The following EPS15 variants were observed in gnomAD, a reference collection of about 807,000 sequenced individuals.
The protein encoded by EPS15 is epidermal growth factor receptor substrate 15.
EPS15 carries 72 observed loss-of-function variants against 113.8 expected under a neutral mutation model. The observed-to-expected ratio is 0.63, with a 90% CI of 0.52 to 0.77. The LOEUF (loss-of-function observed/expected upper bound fraction) is 0.77, where lower values mean the gene tolerates loss of function less well. EPS15 is among the 30% of genes least tolerant of loss of function. The probability of loss-of-function intolerance (pLI) is 0.00; values close to 1 mark genes in which losing one functional copy is unlikely to be tolerated. For synonymous variants in EPS15, 344 were observed against 363.4 expected (o/e 0.95, Z 0.61); for missense variants, 1,048 against 1,045.8 (o/e 1.00, Z -0.03).
At chr1:51,515,691 A>G (rs1187032306) in intron 1 of EPS15, among the ~76,000 whole-genome samples, 1 of 152,252 alleles carries the variant, frequency 6.6e-6, no homozygotes, top group East Asian at 1.9e-4. Flanking sequence ...TTATATCCTC[A>G]AGAGGCTTAC....
chr1:51,512,555 A>G (rs575520338), intron 1 of EPS15, among the ~76,000 whole-genome samples: 20 of 152,330 alleles, frequency 1.3e-4, no homozygotes, highest in African/African-American at 4.3e-4. Context: ...TTTCCTAAAT[A>G]TAAGAAGAGT....
Position 51,363,873 on chromosome 1 carries a change from T to C in EPS15, c.2352A>G (p.Leu784=). 1.2e-6 allele frequency: 2 copies of C among 1,610,652 alleles called. No homozygotes were observed. The highest frequency in any genetic ancestry group is 1.7e-6 in the Non-Finnish European group (2 of 1,178,394). The change falls in exon 23 of 25, where the codon CTA becomes CTG. Residue 784 remains leucine (L), a synonymous_variant. Transcript: ENST00000371733. ...AAGTACCAACTCTCATACCAGGTGG[T>C]AGAGGGCAGGGTCTTGTTGGAGTTC... The part of the protein sequence containing the change: ...KIGTPTRPCP[L]PPGKRSINKL...
chr1:51,361,224 TAGC>T lies in EPS15; in HGVS notation c.2488_2490del (p.Ala830del). On this transcript the variant is annotated inframe_deletion, in exon 24 of 25. Transcript: ENST00000371733. ...TCAGCCTCTTTATTGGTAGTGGTAG[TAGC>T]AGAAGTGAATGGATCACAAAATATT... is the stretch of plus-strand genomic sequence containing the variant. 1 of 1,614,098 alleles carries T rather than the reference TAGC, an allele frequency of 6.2e-7. No homozygotes were observed. Among genetic ancestry groups the T allele is most frequent in the Admixed American group, 1.7e-5 (1 of 60,024 alleles).
At chr1:51,405,877 A>G in intron 16 of EPS15, 28 bp downstream of exon 16, 1 of 1,587,632 alleles carries the variant, frequency 6.3e-7, no homozygotes, top group Non-Finnish European at 8.6e-7. Context: ...GAGGTTGATT[A>G]TGAAGGTTAT....
intron 12 of EPS15, among the ~76,000 whole-genome samples, chr1:51,430,254 C>T (rs1651599875): frequency 6.6e-6 from 1 of 152,110 alleles, no homozygotes; most frequent in Non-Finnish European, 1.5e-5. Context: ...TTGAAAGTTA[C>T]ATGACCTTTC....
intron 1 of EPS15, among the ~76,000 whole-genome samples, chr1:51,493,919 C>T (rs993800811): frequency 1.1e-4 from 16 of 152,174 alleles, no homozygotes; most frequent in South Asian, 8.3e-4. Flanking sequence ...CCAGCTGAGG[C>T]TCTTAACTTT....
intron 12 of EPS15, among the ~76,000 whole-genome samples, chr1:51,426,837 C>CTCTCTCTCTCTATATA (rs377211027): frequency 3.5e-4 from 50 of 143,558 alleles, no homozygotes; most frequent in African/African-American, 1.3e-3. Context: ...CTCTCTCTCT[C>CTCTCTCTCTCTATATA]TATATATATA....
intron 1 of EPS15, among the ~76,000 whole-genome samples, chr1:51,514,002 T>A (rs1462254287): frequency 6.6e-6 from 1 of 152,122 alleles, no homozygotes; most frequent in Non-Finnish European, 1.5e-5. Flanking sequence ...ATTCTCACTG[T>A]TGAAAACAAG....
At chr1:51,495,292 A>C (rs1309223721) in intron 1 of EPS15, among the ~76,000 whole-genome samples, 1 of 152,178 alleles carries the variant, frequency 6.6e-6, no homozygotes, top group Non-Finnish European at 1.5e-5. Context: ...ATGCAAACAA[A>C]AAGGTTCTGA....
At chr1:51,457,280 C>T (rs766608321) in intron 8 of EPS15, among the ~76,000 whole-genome samples, 1 of 151,414 alleles carries the variant, frequency 6.6e-6, no homozygotes, top group Non-Finnish European at 1.5e-5. Flanking sequence ...AAGTGAGACT[C>T]CATCTCAAAA....
chr1:51,448,021 A>G, intron 9 of EPS15, 25 bp downstream of exon 9: 1 of 1,609,750 alleles, frequency 6.2e-7, no homozygotes, highest in Non-Finnish European at 8.5e-7. Context: ...GAGGGGATCA[A>G]CCGCACAGAG....
chr1:51,402,667 G>A lies in EPS15; in HGVS notation c.1792-142C>T, dbSNP rs1648693697. The A allele has an allele frequency of 1.4e-5, 7 of 485,838 alleles. 1 individual carries two copies. The South Asian group carries it at 2.2e-4, about 15-fold the overall frequency. 30.1% of individuals were successfully genotyped at this position (485,838 alleles called of 1,614,324 possible). A position where few individuals can be genotyped will look rare whatever the true frequency, so the allele number is the denominator to read the frequency against. ...GGGCCAGGCACGGTGGCTCACACCT[G>A]TAATCCCAGCACTTTGGGAGGCTGA... On this transcript the variant is annotated intron_variant, in intron 17 of 24. Coordinates refer to ENST00000371733, the MANE Select transcript of EPS15 (RefSeq NM_001981.3).
At chr1:51,514,613 T>C (rs1268592351) in intron 1 of EPS15, among the ~76,000 whole-genome samples, 1 of 152,234 alleles carries the variant, frequency 6.6e-6, no homozygotes, top group Non-Finnish European at 1.5e-5. Flanking sequence ...TTCTGAACTA[T>C]GATTCGTTGC....
chr1:51,411,229 T>C (rs1157325144), intron 13 of EPS15, among the ~76,000 whole-genome samples: 2 of 152,236 alleles, frequency 1.3e-5, no homozygotes, highest in African/African-American at 2.4e-5. Flanking sequence ...AAAAATATCA[T>C]GTTGCTTTCT....
intron 7 of EPS15, 54 bp from the exon 8 acceptor site, chr1:51,461,204 C>T (rs1654414600): frequency 7.7e-7 from 1 of 1,302,810 alleles, no homozygotes; most frequent in African/African-American, 1.5e-5. Context: ...TCATGTTCTA[C>T]TCGAGGGCAA....
intron 13 of EPS15, among the ~76,000 whole-genome samples, chr1:51,411,343 T>C (rs997098989): frequency 6.6e-6 from 1 of 152,086 alleles, no homozygotes; most frequent in African/African-American, 2.4e-5. Context: ...ATTCGGACAA[T>C]GTTTGATGAG....
At chr1:51,401,798 T>C (rs2148417718) in intron 18 of EPS15, among the ~76,000 whole-genome samples, 1 of 151,182 alleles carries the variant, frequency 6.6e-6, no homozygotes, top group Non-Finnish European at 1.5e-5. Flanking sequence ...ACATCAGGAG[T>C]TCAAGACCAG....
chr1:51,428,535 G>C (rs1557459662), intron 12 of EPS15, among the ~76,000 whole-genome samples: 1 of 151,892 alleles, frequency 6.6e-6, no homozygotes, highest in Non-Finnish European at 1.5e-5. Context: ...AACATAACAG[G>C]GTGAGAATGG....
intron 1 of EPS15, among the ~76,000 whole-genome samples, chr1:51,490,564 C>CAAAAA (rs60149665): frequency 1.3e-5 from 1 of 76,616 alleles, no homozygotes. Flanking sequence ...GACTCCATCT[C>CAAAAA]AAAAAAAAAA....
Sources: allele counts gnomAD v4.1 joint callset (sites outside exome capture counted in the v4.1 genomes callset), GRCh38; gene constraint gnomAD v4.1.1; transcripts MANE v1.5; gene names NCBI Gene and HGNC (gene_info 2026-07-23, HGNC 2026-07-21).